Variants in SLC5A12 observed in about 807,000 individuals in gnomAD.
SLC5A12 encodes the protein solute carrier family 5 member 12.
A neutral mutation model predicts 72.7 loss-of-function variants in SLC5A12; 46 were observed. That is an observed-to-expected ratio of 0.63 (90% CI 0.50 to 0.81). The LOEUF is 0.81. SLC5A12 is among the 30% of genes least tolerant of loss of function. The probability of loss-of-function intolerance (pLI) is 0.00; values close to 1 mark genes in which losing one functional copy is unlikely to be tolerated. For missense variants in SLC5A12, 683 were observed against 740.7 expected (o/e 0.92, Z 0.90); for synonymous variants, 275 against 264.4 (o/e 1.04, Z -0.39).
At position 26,668,222 on chromosome 11, in the gene SLC5A12, G is replaced by A. The variant is rs760356410; in HGVS notation, c.*2880C>T. On this transcript the variant is annotated 3_prime_UTR_variant, in exon 15 of 15. Coordinates refer to ENST00000396005, the MANE Select transcript of SLC5A12 (RefSeq NM_178498.4). ...TTCCAAATGGTGACAAAAAATGTCT[G>A]TCATCAAAATGAATTCATACAGAAT... 1 of 151,972 alleles carries A rather than the reference G, an allele frequency of 6.6e-6. No individual in the cohort carries two copies. The highest frequency in any genetic ancestry group is 1.5e-5 in the Non-Finnish European group (1 of 67,974). 9.4% of individuals were successfully genotyped at this position (151,972 alleles called of 1,614,324 possible).
chr11:26,716,657 C>T (rs1405341732), intron 1 of SLC5A12, among the ~76,000 whole-genome samples: 1 of 152,094 alleles, frequency 6.6e-6, no homozygotes, highest in Non-Finnish European at 1.5e-5. Flanking sequence ...TTGGTTCGAG[C>T]CCAAATAACA....
intron 10 of SLC5A12, among the ~76,000 whole-genome samples, chr11:26,685,795 G>C (rs1421131358): frequency 6.6e-6 from 1 of 152,082 alleles, no homozygotes; most frequent in Non-Finnish European, 1.5e-5. Context: ...GTGAGAACTT[G>C]AACAGGGTAT....
rs997729009 is a variant in SLC5A12, at chr11:26,692,612, A to C, written c.1041-11T>G. On this transcript the variant is annotated splice_polypyrimidine_tract_variant and intron_variant, in intron 8 of 14. Transcript: ENST00000396005. ...CTGGAAGCCACGGTGCTATAAGGAA[A>C]GAAAAGTGAGAACATGGTCTAAGCT... The C allele has an allele frequency of 6.3e-7, 1 of 1,585,212 alleles. No homozygotes were observed. The highest frequency in any genetic ancestry group is 8.7e-7 in the Non-Finnish European group (1 of 1,153,668).
At chr11:26,704,930 G>C (rs1855049208) in intron 4 of SLC5A12, among the ~76,000 whole-genome samples, 3 of 152,074 alleles carry the variant, frequency 2.0e-5, no homozygotes, top group Admixed American at 2.0e-4. Context: ...AGAGGAATGA[G>C]TTTGAAGAGC....
chr11:26,694,455 C>T (rs73436401), intron 8 of SLC5A12, among the ~76,000 whole-genome samples: 8,248 of 152,032 alleles, frequency 0.054, 741 homozygotes, highest in African/African-American at 0.19. Context: ...TAGAGAGGGA[C>T]GAAAGAAAGG....
chr11:26,687,887 G>C (rs11029675), intron 9 of SLC5A12, among the ~76,000 whole-genome samples: 27,355 of 152,108 alleles, frequency 0.18, 3,066 homozygotes, highest in Admixed American at 0.28. Flanking sequence ...TAGATAGATA[G>C]ATAAGACTAC....
intron 4 of SLC5A12, among the ~76,000 whole-genome samples, chr11:26,708,178 C>T (rs1340383643): frequency 6.6e-6 from 1 of 151,920 alleles, no homozygotes; most frequent in Non-Finnish European, 1.5e-5. Context: ...AGAACACTTA[C>T]TTAGGGAGCT....
At chr11:26,718,454 A>G (rs892014832) in intron 1 of SLC5A12, among the ~76,000 whole-genome samples, 1 of 152,036 alleles carries the variant, frequency 6.6e-6, no homozygotes, top group African/African-American at 2.4e-5. Context: ...TAGAGTCCAT[A>G]GTCTTTTTTA....
rs1206630393 is a variant in SLC5A12, at chr11:26,714,627, A to C, written c.340-1921T>G. 3.3e-5 allele frequency among the ~76,000 whole-genome samples: 5 copies of C among 152,300 alleles called. No individual in the cohort carries two copies. The East Asian group carries it at 9.6e-4, about 29-fold the overall frequency. On this transcript the variant is annotated intron_variant, in intron 1 of 14. Transcript: ENST00000396005. The stretch of plus-strand genomic sequence containing the variant: ...TGGCTTGAGGATTAAATTTCTTGCT[A>C]GTAGTTTCTACTTGATAGTAGTTCT...
chr11:26,688,714 A>G (rs1227512548), intron 9 of SLC5A12, among the ~76,000 whole-genome samples: 3 of 152,232 alleles, frequency 2.0e-5, no homozygotes, highest in Non-Finnish European at 4.4e-5. Flanking sequence ...AAGTCAAGAG[A>G]AAACAAGATG....
intron 13 of SLC5A12, among the ~76,000 whole-genome samples, chr11:26,676,479 G>T (rs146288185): frequency 7.1e-4 from 108 of 151,990 alleles, no homozygotes; most frequent in African/African-American, 2.5e-3. Flanking sequence ...GAGACATGCA[G>T]CTTTATGGTA....
Position 26,670,955 on chromosome 11 carries a change from TA to T in SLC5A12, c.*146del. On this transcript the variant is annotated 3_prime_UTR_variant, in exon 15 of 15. Coordinates refer to ENST00000396005, the MANE Select transcript of SLC5A12 (RefSeq NM_178498.4). ...GAGACAGTCATTTTGCATGTAGTTA[TA>T]AATAAGTAGAAATAGGCACCAGACA... 1 of 649,256 alleles carries T rather than the reference TA, an allele frequency of 1.5e-6. No individual in the cohort carries two copies. The highest frequency in any genetic ancestry group is 2.4e-6 in the Non-Finnish European group (1 of 415,680). The allele number at this position is 649,256 out of a possible 1,614,324, so 40.2% of individuals were successfully genotyped here.
chr11:26,711,819 T>C (rs2133212458), intron 2 of SLC5A12, among the ~76,000 whole-genome samples: 1 of 152,204 alleles, frequency 6.6e-6, no homozygotes, highest in South Asian at 2.1e-4. Flanking sequence ...AGTACTGTGC[T>C]GGGAAGACTA....
intron 6 of SLC5A12, among the ~76,000 whole-genome samples, chr11:26,698,958 A>G (rs1237383692): frequency 2.0e-5 from 3 of 152,234 alleles, no homozygotes; most frequent in African/African-American, 7.2e-5. Flanking sequence ...ATAATGAGCT[A>G]ACACAGAAAT....
At chr11:26,682,353 G>A (rs1854429737) in intron 11 of SLC5A12, among the ~76,000 whole-genome samples, 2 of 152,114 alleles carry the variant, frequency 1.3e-5, no homozygotes, top group Admixed American at 6.6e-5. Flanking sequence ...ATCGTTTGCT[G>A]ACCCCTGGCC....
At chr11:26,690,569 G>A (rs1854643148) in intron 9 of SLC5A12, among the ~76,000 whole-genome samples, 1 of 150,952 alleles carries the variant, frequency 6.6e-6, no homozygotes, top group African/African-American at 2.4e-5. Flanking sequence ...CTAGCACTTT[G>A]GGAGGCCAAG....
intron 13 of SLC5A12, among the ~76,000 whole-genome samples, chr11:26,673,765 C>T (rs1854201900): frequency 6.6e-6 from 1 of 152,006 alleles, no homozygotes; most frequent in Non-Finnish European, 1.5e-5. Context: ...ACAGAGACAA[C>T]CTATTTATTT....
At chr11:26,714,201 T>G (rs1175896230) in intron 1 of SLC5A12, among the ~76,000 whole-genome samples, 1 of 152,192 alleles carries the variant, frequency 6.6e-6, no homozygotes, top group Non-Finnish European at 1.5e-5. Flanking sequence ...CTACCATATT[T>G]ACTATTCCTA....
At chr11:26,707,894 T>C (rs1855128146) in intron 4 of SLC5A12, among the ~76,000 whole-genome samples, 1 of 152,022 alleles carries the variant, frequency 6.6e-6, no homozygotes, top group South Asian at 2.1e-4. Context: ...ATTTGCACTT[T>C]TTCCTTGCAA....
Sources: gnomAD v4.1 joint callset for allele counts (sites outside exome capture counted in the v4.1 genomes callset) on GRCh38, gnomAD v4.1.1 for gene constraint, MANE v1.5 for transcripts, NCBI Gene and HGNC (gene_info 2026-07-23, HGNC 2026-07-21) for gene names.